Variants in CNTNAP2 observed in about 807,000 individuals in gnomAD.
CNTNAP2 encodes contactin associated protein 2, also known as contactin-associated protein-like 2.
CNTNAP2 carries 98 observed loss-of-function variants against 155.2 expected under a neutral mutation model. The observed-to-expected ratio is 0.63, with a 90% CI of 0.54 to 0.75. The LOEUF (loss-of-function observed/expected upper bound fraction) is 0.75. Among genes scored for constraint, CNTNAP2 ranks in the 30% least tolerant of loss-of-function variants. The pLI is 0.00. For synonymous variants in CNTNAP2, 651 were observed against 631.2 expected (o/e 1.03, Z -0.47); for missense variants, 1,727 against 1,688.1 (o/e 1.02, Z -0.40).
chr7:147,888,101 T>C (rs1425890655), intron 13 of CNTNAP2, among the ~76,000 whole-genome samples: 1 of 152,076 alleles, frequency 6.6e-6, no homozygotes, highest in East Asian at 1.9e-4. Flanking sequence ...GAAAAAATAA[T>C]CACCAAATGT....
intron 10 of CNTNAP2, among the ~76,000 whole-genome samples, chr7:147,408,818 C>T (rs938363340): frequency 5.3e-5 from 8 of 152,096 alleles, no homozygotes; most frequent in African/African-American, 1.9e-4. Context: ...ATCCTTTGAG[C>T]AATACGCAGC....
chr7:147,413,977 T>C (rs1797144683), intron 10 of CNTNAP2, among the ~76,000 whole-genome samples: 1 of 152,332 alleles, frequency 6.6e-6, no homozygotes, highest in African/African-American at 2.4e-5. Context: ...TCTGGCACAG[T>C]GCTTGCAAGG....
At chr7:148,165,608 G>A (rs555296667) in intron 17 of CNTNAP2, among the ~76,000 whole-genome samples, 14 of 152,172 alleles carry the variant, frequency 9.2e-5, no homozygotes, top group East Asian at 7.7e-4. Flanking sequence ...ACTCCTACGC[G>A]GTGCATATTG....
chr7:147,993,821 C>T (rs1355572785), intron 15 of CNTNAP2, among the ~76,000 whole-genome samples: 1 of 152,138 alleles, frequency 6.6e-6, no homozygotes, highest in African/African-American at 2.4e-5. Context: ...TTCTCCACTG[C>T]TCCTCTAACT....
intron 15 of CNTNAP2, among the ~76,000 whole-genome samples, chr7:148,109,660 A>G (rs1804302745): frequency 8.5e-6 from 1 of 117,404 alleles, no homozygotes; most frequent in South Asian, 2.4e-4. Context: ...CTGGGATTAC[A>G]GGCGTTGAGA....
intron 2 of CNTNAP2, among the ~76,000 whole-genome samples, chr7:146,803,485 T>G (rs1453696780): frequency 6.6e-6 from 1 of 152,152 alleles, no homozygotes; most frequent in Non-Finnish European, 1.5e-5. Context: ...CACGGGCCAA[T>G]CATGACAGCA....
intron 3 of CNTNAP2, among the ~76,000 whole-genome samples, chr7:146,889,520 C>T (rs377581667): frequency 6.6e-6 from 1 of 152,102 alleles, no homozygotes; most frequent in Non-Finnish European, 1.5e-5. Flanking sequence ...ACTTAAACCT[C>T]TATATTAAAA....
At chr7:146,118,872 G>A (rs1797523872) in intron 1 of CNTNAP2, among the ~76,000 whole-genome samples, 7 of 151,960 alleles carry the variant, frequency 4.6e-5, no homozygotes, top group Admixed American at 4.6e-4. Flanking sequence ...ATGTGTAATG[G>A]CTTAATTAAG....
intron 9 of CNTNAP2, among the ~76,000 whole-genome samples, chr7:147,336,326 T>C (rs1158213237): frequency 6.6e-6 from 1 of 152,146 alleles, no homozygotes; most frequent in Non-Finnish European, 1.5e-5. Flanking sequence ...TGCTGCTTGA[T>C]TTCTTTTGTA....
chr7:146,121,218 TC>T (rs1397260481), intron 1 of CNTNAP2, among the ~76,000 whole-genome samples: 4 of 137,372 alleles, frequency 2.9e-5, no homozygotes, highest in African/African-American at 1.1e-4. Flanking sequence ...AAGCTCCGCC[TC>T]CTGGGTTCAC....
intron 3 of CNTNAP2, among the ~76,000 whole-genome samples, chr7:147,018,492 G>C (rs2129245782): frequency 6.6e-6 from 1 of 152,132 alleles, no homozygotes; most frequent in Admixed American, 6.5e-5. Context: ...GTTTGGATGG[G>C]GAAAGGGATA....
At chr7:148,328,420 T>C (rs1797928167) in intron 21 of CNTNAP2, among the ~76,000 whole-genome samples, 1 of 152,142 alleles carries the variant, frequency 6.6e-6, no homozygotes. Flanking sequence ...GCCAGCTTCC[T>C]GGAATGTCTG....
chr7:146,296,880 A>C (rs1405067014), intron 1 of CNTNAP2, among the ~76,000 whole-genome samples: 1 of 152,072 alleles, frequency 6.6e-6, no homozygotes, highest in Non-Finnish European at 1.5e-5. Context: ...CAGAAAACTA[A>C]AAAGTTCTTA....
At chr7:148,414,276 C>G (rs889908009) in intron 23 of CNTNAP2, among the ~76,000 whole-genome samples, 2 of 152,040 alleles carry the variant, frequency 1.3e-5, no homozygotes, top group African/African-American at 2.4e-5. Flanking sequence ...GACCGGGTTT[C>G]ACCATGTTGC....
At chr7:147,507,828 G>A (rs1356034752) in intron 11 of CNTNAP2, among the ~76,000 whole-genome samples, 1 of 152,070 alleles carries the variant, frequency 6.6e-6, no homozygotes, top group Non-Finnish European at 1.5e-5. Context: ...TGAGATTACA[G>A]GCGTGAGCCA....
chr7:146,459,224 T>C (rs1796601762), intron 1 of CNTNAP2, among the ~76,000 whole-genome samples: 1 of 152,196 alleles, frequency 6.6e-6, no homozygotes, highest in African/African-American at 2.4e-5. Flanking sequence ...ATTTGTCCCA[T>C]GGATGCTGAC....
intron 1 of CNTNAP2, among the ~76,000 whole-genome samples, chr7:146,747,398 C>T (rs987170906): frequency 1.3e-5 from 2 of 152,110 alleles, no homozygotes; most frequent in Non-Finnish European, 2.9e-5. Flanking sequence ...TGTACATGTG[C>T]TTTACTACGG....
At chr7:148,255,175 G>C (rs1385923350) in intron 20 of CNTNAP2, among the ~76,000 whole-genome samples, 1 of 152,062 alleles carries the variant, frequency 6.6e-6, no homozygotes, top group Non-Finnish European at 1.5e-5. Context: ...TAGAAGACTA[G>C]TTCAGATATT....
At chr7:147,619,316 A>G (rs73468966) in intron 12 of CNTNAP2, among the ~76,000 whole-genome samples, 19 of 152,266 alleles carry the variant, frequency 1.2e-4, no homozygotes, top group Admixed American at 3.3e-4. Flanking sequence ...TGGGAATAAG[A>G]TTCTTAATTT....
Sources: allele counts gnomAD v4.1 joint callset (sites outside exome capture counted in the v4.1 genomes callset), GRCh38; gene constraint gnomAD v4.1.1; transcripts MANE v1.5; gene names NCBI Gene and HGNC (gene_info 2026-07-23, HGNC 2026-07-21).